Variants in ADAM18 observed in about 807,000 individuals in gnomAD.
ADAM18 encodes the protein ADAM metallopeptidase domain 18.
ADAM18 carries 117 observed loss-of-function variants against 94.4 expected under a neutral mutation model. The ratio of observed to expected loss-of-function variants is 1.24; its 90% CI spans 1.07 to 1.45. ADAM18 has a LOEUF of 1.45. ADAM18 is among the 40% of genes most tolerant of loss of function. The pLI is 0.00. For synonymous variants in ADAM18, 327 were observed against 291.6 expected (o/e 1.12, Z -1.24); for missense variants, 936 against 880.0 (o/e 1.06, Z -0.81).
At chr8:39,692,910 ATTC>A (rs370099775) in intron 17 of ADAM18, among the ~76,000 whole-genome samples, 27 of 151,798 alleles carry the variant, frequency 1.8e-4, no homozygotes, top group African/African-American at 6.5e-4. Flanking sequence ...AAAAACATTT[ATTC>A]TTCTTCAACA....
At position 39,692,627 on chromosome 8, in the gene ADAM18, G is replaced by T; in HGVS notation, c.1849G>T (p.Val617Phe). Residue 617 changes from valine to phenylalanine, a missense_variant, in exon 17 of 20, where the codon GTT (valine) becomes TTT (phenylalanine). Coordinates refer to ENST00000265707, the MANE Select transcript of ADAM18 (RefSeq NM_014237.3). ...CTGTGTAAATAAAACCTGCAGAAAA[G>T]TTCATTTAATGGGATATAACTGTAA... ...MYCVNKTCRK[V>F]HLMGYNCNAT... 3 of 1,605,554 alleles carry T rather than the reference G, an allele frequency of 1.9e-6. No individual in the cohort carries two copies. Among genetic ancestry groups the T allele is most frequent in the Non-Finnish European group, 2.6e-6 (3 of 1,175,288 alleles).
At chr8:39,655,556 G>T (rs1820661612) in intron 12 of ADAM18, among the ~76,000 whole-genome samples, 1 of 152,054 alleles carries the variant, frequency 6.6e-6, no homozygotes, top group Non-Finnish European at 1.5e-5. Context: ...TTAACATCAT[G>T]CATAACAGTT....
intron 19 of ADAM18, among the ~76,000 whole-genome samples, chr8:39,726,292 GTGTA>G (rs1822909172): frequency 6.6e-6 from 1 of 150,976 alleles, no homozygotes; most frequent in South Asian, 2.1e-4. Flanking sequence ...GTGTGTGTGT[GTGTA>G]TATATATAAT....
At chr8:39,619,677 T>G (rs759393124) in intron 6 of ADAM18, among the ~76,000 whole-genome samples, 1 of 152,030 alleles carries the variant, frequency 6.6e-6, no homozygotes, top group African/African-American at 2.4e-5. Flanking sequence ...TAGTAAGTTT[T>G]TATAAGGAGA....
chr8:39,587,466 A>G (rs906145658), intron 2 of ADAM18, among the ~76,000 whole-genome samples: 2 of 152,050 alleles, frequency 1.3e-5, no homozygotes, highest in African/African-American at 4.8e-5. Flanking sequence ...TTTGTTTGAG[A>G]TGGAGTTTTG....
intron 14 of ADAM18, among the ~76,000 whole-genome samples, chr8:39,675,109 G>T (rs932867820): frequency 3.3e-5 from 5 of 152,116 alleles, no homozygotes; most frequent in Admixed American, 2.6e-4. Context: ...TCTTGGGGTT[G>T]CTCTTCTCAA....
intron 17 of ADAM18, among the ~76,000 whole-genome samples, chr8:39,704,463 T>C (rs1822179556): frequency 6.6e-6 from 1 of 152,126 alleles, no homozygotes; most frequent in African/African-American, 2.4e-5. Flanking sequence ...AAAGTCACAA[T>C]TATCTCAAAA....
intron 3 of ADAM18, among the ~76,000 whole-genome samples, chr8:39,607,944 C>A (rs1460272727): frequency 6.6e-6 from 1 of 151,938 alleles, no homozygotes. Context: ...ATGCCATATT[C>A]ACTTATCTGA....
intron 16 of ADAM18, among the ~76,000 whole-genome samples, chr8:39,687,847 C>G (rs1384055861): frequency 2.0e-5 from 3 of 151,980 alleles, no homozygotes; most frequent in African/African-American, 7.3e-5. Context: ...GTGTGCGCAC[C>G]CTGTTTTCTT....
At chr8:39,657,233 A>G (rs1820712025) in intron 12 of ADAM18, among the ~76,000 whole-genome samples, 1 of 152,236 alleles carries the variant, frequency 6.6e-6, no homozygotes, top group Non-Finnish European at 1.5e-5. Context: ...TTAAAAAAAT[A>G]AAACTATTAT....
intron 2 of ADAM18, among the ~76,000 whole-genome samples, chr8:39,589,525 T>A (rs1245661713): frequency 6.6e-6 from 1 of 152,028 alleles, no homozygotes; most frequent in Non-Finnish European, 1.5e-5. Flanking sequence ...ATTATGTGTA[T>A]GTTATGTATA....
At chr8:39,701,026 G>A (rs1258521053) in intron 17 of ADAM18, among the ~76,000 whole-genome samples, 1 of 140,226 alleles carries the variant, frequency 7.1e-6, no homozygotes, top group East Asian at 2.2e-4. Flanking sequence ...GCTGAGGCAG[G>A]AGAATGGCGT....
intron 18 of ADAM18, among the ~76,000 whole-genome samples, chr8:39,713,288 T>C (rs946846196): frequency 2.0e-5 from 3 of 152,076 alleles, no homozygotes; most frequent in Non-Finnish European, 2.9e-5. Flanking sequence ...CAAAAATTAA[T>C]TCAAAATGGA....
At chr8:39,626,284 C>A (rs548264317) in intron 6 of ADAM18, among the ~76,000 whole-genome samples, 29 of 152,048 alleles carry the variant, frequency 1.9e-4, no homozygotes, top group Middle Eastern at 3.4e-3. Flanking sequence ...TCTAAAACTT[C>A]TTTTAATCTT....
At chr8:39,638,005 C>T (rs1051443414) in intron 9 of ADAM18, among the ~76,000 whole-genome samples, 2 of 151,838 alleles carry the variant, frequency 1.3e-5, no homozygotes, top group East Asian at 1.9e-4. Context: ...GATGTAAAAA[C>T]GGAGACTATT....
intron 12 of ADAM18, among the ~76,000 whole-genome samples, chr8:39,654,189 G>A (rs1376043666): frequency 1.6e-5 from 2 of 128,090 alleles, no homozygotes; most frequent in Non-Finnish European, 3.1e-5. Context: ...ACAGAGTCTC[G>A]CTGAGTCACC....
In ADAM18 at chr8:39,706,440, G is replaced by A. The variant is rs578170133; in HGVS notation, c.1903-350G>A. Reference sequence around the variant, plus strand: ...TAGAAAATGTCCAAATAGTGACAACGAATGTTTCCAAATTACTAAATAACA... The same window carrying A: ...TAGAAAATGTCCAAATAGTGACAACAAATGTTTCCAAATTACTAAATAACA... On this transcript the variant is annotated intron_variant, in intron 17 of 19. Transcript: ENST00000265707. Among the ~76,000 whole-genome samples, 16 of 152,134 alleles carry A rather than the reference G, an allele frequency of 1.1e-4. No homozygotes were observed. In the South Asian group the frequency reaches 2.5e-3, roughly 24 times the overall value.
chr8:39,674,465 A>G (rs1387208785), intron 14 of ADAM18, among the ~76,000 whole-genome samples: 1 of 151,454 alleles, frequency 6.6e-6, no homozygotes, highest in Non-Finnish European at 1.5e-5. Flanking sequence ...TTTGCTTTCC[A>G]TTTGCTTGGT....
chr8:39,601,595 A>T (rs527518008), intron 2 of ADAM18, among the ~76,000 whole-genome samples: 81 of 151,478 alleles, frequency 5.3e-4, no homozygotes, highest in African/African-American at 1.9e-3. Flanking sequence ...TAATCAACCC[A>T]TGTCTCTGTG....
Sources: allele counts gnomAD v4.1 joint callset (sites outside exome capture counted in the v4.1 genomes callset), GRCh38; gene constraint gnomAD v4.1.1; transcripts MANE v1.5; gene names NCBI Gene and HGNC (gene_info 2026-07-23, HGNC 2026-07-21).